Variants in LITAF observed in about 807,000 individuals in gnomAD.
LITAF encodes the protein lipopolysaccharide-induced tumor necrosis factor-alpha factor.
In LITAF, 9 loss-of-function variants were observed where a neutral mutation model predicts 14.5. That is an observed-to-expected ratio of 0.62 (90% CI 0.37 to 1.08). The LOEUF (loss-of-function observed/expected upper bound fraction) is 1.08, where lower values mean the gene tolerates loss of function less well. Ranked by LOEUF, LITAF falls within the 50% of genes least tolerant of loss-of-function variation. LITAF has a pLI of 0.01. For synonymous variants in LITAF, 98 were observed against 88.2 expected, an observed-to-expected ratio of 1.11 and a Z score of -0.62; for missense variants, 206 against 213.4, an observed-to-expected ratio of 0.97 and a Z score of 0.22.
chr16:11,637,619 C>A (rs1038630231), upstream of LITAF, among the ~76,000 whole-genome samples: 1 of 152,194 alleles, frequency 6.6e-6, no homozygotes, highest in Non-Finnish European at 1.5e-5. Context: ...ATAGGCTGCA[C>A]GCAGCGGCTC....
In LITAF at chr16:11,548,411, T is replaced by C. The variant is rs1394919421; in HGVS notation, c.*1226A>G. The C allele has an allele frequency of 2.2e-6, 1 of 453,958 alleles. No homozygotes were observed. 28.1% of individuals were successfully genotyped at this position (453,958 alleles called of 1,614,324 possible). A position where few individuals can be genotyped will look rare whatever the true frequency, so the allele number is the denominator to read the frequency against. ...TAGATTCCTCTGAAACAGTTCTGGT[T>C]CCCAAGCATCCGCACCATGGTACCC... On this transcript the variant is annotated 3_prime_UTR_variant, in exon 4 of 4. Coordinates refer to ENST00000622633, the MANE Select transcript of LITAF (RefSeq NM_001136472.2).
chr16:11,585,015 C>T (rs2064786763), intron 1 of LITAF, among the ~76,000 whole-genome samples: 1 of 152,144 alleles, frequency 6.6e-6, no homozygotes, highest in African/African-American at 2.4e-5. Flanking sequence ...CGAAAACAGC[C>T]TGGCCAACAT....
At chr16:11,595,080 C>T (rs145593367) in intron 1 of LITAF, among the ~76,000 whole-genome samples, 42 of 152,250 alleles carry the variant, frequency 2.8e-4, no homozygotes, top group African/African-American at 9.9e-4. Flanking sequence ...TGCCAGTAAA[C>T]AGCCCCCACT....
chr16:11,623,751 G>A (rs1842657000), intron 3 of LITAF, among the ~76,000 whole-genome samples: 1 of 151,838 alleles, frequency 6.6e-6, no homozygotes, highest in African/African-American at 2.4e-5. Context: ...CAGATTACCT[G>A]AGGTCAGGAG....
intron 3 of LITAF, among the ~76,000 whole-genome samples, chr16:11,626,120 G>A (rs931022416): frequency 1.1e-4 from 16 of 151,954 alleles, no homozygotes; most frequent in Non-Finnish European, 7.4e-5. Context: ...TAAATGGTAT[G>A]AATTAGTTCC....
chr16:11,577,316 ATTTTTT>A (rs71136668), intron 1 of LITAF, among the ~76,000 whole-genome samples: 1 of 128,032 alleles, frequency 7.8e-6, no homozygotes, highest in African/African-American at 3.0e-5. Context: ...AGAAGTGTCT[ATTTTTT>A]TTTTTTTTTT....
Position 11,605,831 on chromosome 16 carries a change from C to T in LITAF, c.85+27702G>A, listed in dbSNP as rs1042721988. 6.6e-6 allele frequency among the ~76,000 whole-genome samples: 1 copy of T among 152,154 alleles called. No homozygotes were observed. The highest frequency in any genetic ancestry group is 1.5e-5 in the Non-Finnish European group (1 of 68,016). Reference sequence around the variant, plus strand: ...AGAGCTTCCCACACTACACATGTCACTCTCACAACCGCACCAGGAGGTAGG... The same window carrying T: ...AGAGCTTCCCACACTACACATGTCATTCTCACAACCGCACCAGGAGGTAGG... On this transcript the variant is annotated intron_variant, in intron 3 of 3. Coordinates refer to the LITAF transcript ENST00000574848. The surrounding 1 kb of genome is among the most constrained non-coding windows in gnomAD (Gnocchi z 4.7).
chr16:11,559,194 T>A (rs1163311948), intron 1 of LITAF, among the ~76,000 whole-genome samples: 2 of 152,092 alleles, frequency 1.3e-5, no homozygotes, highest in Non-Finnish European at 2.9e-5. Context: ...AGGTGGAGGC[T>A]ACAGTGAGCC....
At chr16:11,592,448 C>T (rs1442604569) in intron 1 of LITAF, among the ~76,000 whole-genome samples, 2 of 151,940 alleles carry the variant, frequency 1.3e-5, no homozygotes, top group Non-Finnish European at 2.9e-5. Flanking sequence ...TGGTGACAGG[C>T]ACCTGTGGTC....
At chr16:11,615,732 A>G (rs1210805242) in intron 3 of LITAF, among the ~76,000 whole-genome samples, 1 of 152,230 alleles carries the variant, frequency 6.6e-6, no homozygotes, top group East Asian at 1.9e-4. Context: ...ATGTGGTATA[A>G]TAAAAAGTAT....
chr16:11,623,913 G>A (rs565385463), intron 3 of LITAF, among the ~76,000 whole-genome samples: 1 of 152,192 alleles, frequency 6.6e-6, no homozygotes, highest in South Asian at 2.1e-4. Context: ...GTTGCAATGA[G>A]CCAAGATCGT....
At chr16:11,620,183 AG>A in intron 3 of LITAF, among the ~76,000 whole-genome samples, 2 of 150,366 alleles carry the variant, frequency 1.3e-5, no homozygotes, top group African/African-American at 5.0e-5. Context: ...AAAAAAAAAA[AG>A]AAAAGAAAAG....
intron 1 of LITAF, among the ~76,000 whole-genome samples, chr16:11,566,975 G>A (rs559467554): frequency 1.9e-3 from 286 of 152,344 alleles, no homozygotes; most frequent in Middle Eastern, 0.01. Flanking sequence ...TGGTGCAGAT[G>A]CCAGCACATC....
intron 1 of LITAF, among the ~76,000 whole-genome samples, chr16:11,580,850 G>A (rs918779074): frequency 1.3e-5 from 2 of 151,374 alleles, no homozygotes; most frequent in Admixed American, 6.6e-5. Flanking sequence ...CTGCAGCCTC[G>A]ACCTCCCAGG....
At position 11,605,997 on chromosome 16, in the gene LITAF, T is replaced by C. The variant is rs991692929; in HGVS notation, c.85+27536A>G. Among the ~76,000 whole-genome samples the C allele has an allele frequency of 2.0e-5, 3 of 152,122 alleles. No individual in the cohort carries two copies. Among genetic ancestry groups the C allele is most frequent in the Non-Finnish European group, 4.4e-5 (3 of 68,016 alleles). On this transcript the variant is annotated intron_variant, in intron 3 of 3. Transcript: ENST00000574848. This position sits in a 1 kb window ranked among gnomAD's most constrained non-coding sequence, Gnocchi z 4.7. ...GTTGCACACACAGGATATGTGATCA[T>C]TGATTTAGTTGAGGGATCCTTTTTC...
upstream of LITAF, among the ~76,000 whole-genome samples, chr16:11,638,107 T>G (rs1205094789): frequency 9.9e-4 from 132 of 133,860 alleles, 5 homozygotes; most frequent in Middle Eastern, 3.7e-3. Flanking sequence ...TATATATATA[T>G]ATCTATCTAT....
rs911918818 is a variant in LITAF, at chr16:11,548,801, C to T, written c.*836G>A. The T allele has an allele frequency of 4.4e-6, 2 of 453,192 alleles. No individual in the cohort carries two copies. Among genetic ancestry groups the T allele is most frequent in the African/African-American group, 4.0e-5 (2 of 49,814 alleles). The allele number at this position is 453,192 out of a possible 1,614,324, so 28.1% of individuals were successfully genotyped here. A position where few individuals can be genotyped will look rare whatever the true frequency, so the allele number is the denominator to read the frequency against. ...CACCAGCCTGGGCAACATAGTAAGA[C>T]CCCATCTCTGTTTTTTTTTAAAAAA... On this transcript the variant is annotated 3_prime_UTR_variant, in exon 4 of 4. Transcript: ENST00000622633.
intron 1 of LITAF, among the ~76,000 whole-genome samples, chr16:11,564,655 GCTAA>G (rs2064423747): frequency 6.6e-6 from 1 of 151,874 alleles, no homozygotes; most frequent in African/African-American, 2.4e-5. Flanking sequence ...TATCGCTCCT[GCTAA>G]CTAAGTATGA....
intron 1 of LITAF, among the ~76,000 whole-genome samples, chr16:11,557,306 G>A (rs996965730): frequency 2.6e-5 from 4 of 151,886 alleles, no homozygotes; most frequent in Non-Finnish European, 5.9e-5. Flanking sequence ...AATCTGGAAA[G>A]GGGTATGAGG....
Sources: gnomAD v4.1 joint callset for allele counts (sites outside exome capture counted in the v4.1 genomes callset) on GRCh38, gnomAD v4.1.1 for gene constraint, Gnocchi (gnomAD v3.1) non-coding constraint, MANE v1.5 for transcripts, NCBI Gene and HGNC (gene_info 2026-07-23, HGNC 2026-07-21) for gene names.